The following GOLGA7 variants were observed in gnomAD, a reference collection of about 807,000 sequenced individuals.
GOLGA7 encodes golgin subfamily A member 7.
A neutral mutation model predicts 21.1 loss-of-function variants in GOLGA7; 10 were observed. That is an observed-to-expected ratio of 0.47 (90% CI 0.29 to 0.80). The LOEUF is 0.80. GOLGA7 is among the 30% of genes least tolerant of loss of function. The pLI is 0.08. For missense variants in GOLGA7, 114 were observed against 166.8 expected (o/e 0.68, Z 1.74); for synonymous variants, 64 against 62.6 (o/e 1.02, Z -0.10).
Position 41,509,574 on chromosome 8 carries a change from C to T in GOLGA7, c.*16-10C>T, listed in dbSNP as rs1806369939. 6.5e-6 allele frequency: 1 copy of T among 152,692 alleles called. No homozygotes were observed. The highest frequency in any genetic ancestry group is 6.5e-5 in the Admixed American group (1 of 15,284). 9.5% of individuals were successfully genotyped at this position (152,692 alleles called of 1,614,324 possible). ...CTCTATCAAACCTTTACTTCTCCCT[C>T]TAATTACAGATCCCACTTCCAGCCG... On this transcript the variant is annotated splice_polypyrimidine_tract_variant and intron_variant, in intron 4 of 4. Coordinates refer to ENST00000357743, the MANE Select transcript of GOLGA7 (RefSeq NM_001002296.2).
chr8:41,504,977 AAT>A (rs1806249836), intron 2 of GOLGA7, among the ~76,000 whole-genome samples: 1 of 152,230 alleles, frequency 6.6e-6, no homozygotes, highest in South Asian at 2.1e-4. Context: ...AATTTAAGGA[AAT>A]ATATAGTAAT....
chr8:41,498,249 C>T (rs1266805644), intron 2 of GOLGA7, among the ~76,000 whole-genome samples: 1 of 152,226 alleles, frequency 6.6e-6, no homozygotes, highest in Non-Finnish European at 1.5e-5. Context: ...CTTATTCTGT[C>T]TCTCCTAGAC....
At chr8:41,507,203 AATC>A (rs1806307320) in intron 4 of GOLGA7, 82 bp downstream of exon 4, 1 of 736,764 alleles carries the variant, frequency 1.4e-6, no homozygotes, top group Admixed American at 2.0e-5. Context: ...ATGGTAAATA[AATC>A]ATTAAATCAC....
At chr8:41,498,946 G>T (rs932708363) in intron 2 of GOLGA7, among the ~76,000 whole-genome samples, 1 of 152,212 alleles carries the variant, frequency 6.6e-6, no homozygotes, top group African/African-American at 2.4e-5. Flanking sequence ...TGACCCATCT[G>T]ATAGAAATGT....
chr8:41,510,448 G>GA lies in GOLGA7; in HGVS notation c.*887dup, dbSNP rs993105370. Reference sequence around the variant, plus strand: ...GTTTTGTTATAAATATAACTTATGAGAAAAAAATTTGATAGGAATAATACT... The same window carrying GA: ...GTTTTGTTATAAATATAACTTATGAGAAAAAAAATTTGATAGGAATAATACT... On this transcript the variant is annotated 3_prime_UTR_variant, in exon 5 of 5. Transcript: ENST00000357743. 3.3e-5 allele frequency: 5 copies of GA among 152,504 alleles called. No homozygotes were observed. The highest frequency in any genetic ancestry group is 1.2e-4 in the African/African-American group (5 of 41,408). 9.4% of individuals were successfully genotyped at this position (152,504 alleles called of 1,614,324 possible). A position where few individuals can be genotyped will look rare whatever the true frequency, so the allele number is the denominator to read the frequency against.
At chr8:41,508,062 G>A (rs1333071274) in intron 4 of GOLGA7, among the ~76,000 whole-genome samples, 5 of 152,116 alleles carry the variant, frequency 3.3e-5, no homozygotes, top group Admixed American at 6.5e-5. Context: ...GAGCAAACTT[G>A]GATACAAATA....
intron 1 of GOLGA7, among the ~76,000 whole-genome samples, chr8:41,496,783 T>G (rs954487088): frequency 1.3e-5 from 2 of 149,592 alleles, no homozygotes; most frequent in African/African-American, 4.9e-5. Flanking sequence ...GCCTATATGA[T>G]AGTACCCTGT....
chr8:41,502,498 A>T (rs1806173259), intron 2 of GOLGA7: 1 of 152,218 alleles, frequency 6.6e-6, no homozygotes, highest in African/African-American at 2.4e-5. Context: ...TAAAGACTTC[A>T]GTGTTATTTC....
chr8:41,502,626 A>G (rs1806176814), intron 2 of GOLGA7: 1 of 152,136 alleles, frequency 6.6e-6, no homozygotes, highest in Non-Finnish European at 1.5e-5. Flanking sequence ...ATGTGCTGTA[A>G]TCTCTAGAAG....
intron 1 of GOLGA7, 35 bp from the exon 2 acceptor site, chr8:41,497,474 C>T: frequency 5.7e-6 from 7 of 1,229,856 alleles, no homozygotes; most frequent in Admixed American, 2.5e-5. Context: ...TTTTTTTTTC[C>T]AAAACTTAAT....
chr8:41,495,305 G>A (rs141546455), intron 1 of GOLGA7, among the ~76,000 whole-genome samples: 2,102 of 149,216 alleles, frequency 0.014, 137 homozygotes, highest in Admixed American at 0.11. Flanking sequence ...CTTTTTTTGA[G>A]ACAGGGTCTC....
chr8:41,494,618 A>T (rs745677580), intron 1 of GOLGA7, among the ~76,000 whole-genome samples: 20 of 152,216 alleles, frequency 1.3e-4, no homozygotes, highest in Non-Finnish European at 2.5e-4. Flanking sequence ...AGTTTCCCAG[A>T]TGACCAGCCT....
chr8:41,497,739 G>T, intron 2 of GOLGA7, 78 bp downstream of exon 2: 1 of 727,466 alleles, frequency 1.4e-6, no homozygotes, highest in South Asian at 1.7e-5. Context: ...ATGCTTACAT[G>T]GTGATAGTTG....
rs926312453 is a variant in GOLGA7, at chr8:41,510,441, CTT to C, written c.*874_*875del. 12 of 152,432 alleles carry C rather than the reference CTT, an allele frequency of 7.9e-5. No individual in the cohort carries two copies. The highest frequency in any genetic ancestry group is 1.0e-4 in the Non-Finnish European group (7 of 68,002). 9.4% of individuals were successfully genotyped at this position (152,432 alleles called of 1,614,324 possible). ...AATTATAGTTTTGTTATAAATATAA[CTT>C]ATGAGAAAAAAATTTGATAGGAATA... is the stretch of plus-strand genomic sequence containing the variant. On this transcript the variant is annotated 3_prime_UTR_variant, in exon 5 of 5. Coordinates refer to ENST00000357743, the MANE Select transcript of GOLGA7 (RefSeq NM_001002296.2).
chr8:41,501,312 T>A (rs997199377), intron 2 of GOLGA7, among the ~76,000 whole-genome samples: 2 of 151,934 alleles, frequency 1.3e-5, no homozygotes, highest in Non-Finnish European at 2.9e-5. Context: ...AGGTCGATTT[T>A]TTTTTTTTTT....
chr8:41,491,624 G>A (rs13328425), intron 1 of GOLGA7, among the ~76,000 whole-genome samples: 49,123 of 151,114 alleles, frequency 0.33, 8,901 homozygotes, highest in African/African-American at 0.47. Flanking sequence ...CAACATTGCA[G>A]GCAAAAATGG....
chr8:41,495,485 A>AT (rs1360998871), intron 1 of GOLGA7, among the ~76,000 whole-genome samples: 1 of 151,280 alleles, frequency 6.6e-6, no homozygotes, highest in Non-Finnish European at 1.5e-5. Flanking sequence ...GAGTTTCACC[A>AT]TGTTGCCCAG....
intron 2 of GOLGA7, among the ~76,000 whole-genome samples, chr8:41,500,653 C>G (rs951001657): frequency 6.6e-6 from 1 of 152,240 alleles, no homozygotes; most frequent in African/African-American, 2.4e-5. Flanking sequence ...TGGTCTCGAA[C>G]TCCTGGGCTC....
At chr8:41,507,427 A>C (rs1192742388) in intron 4 of GOLGA7, among the ~76,000 whole-genome samples, 1 of 152,150 alleles carries the variant, frequency 6.6e-6, no homozygotes, top group African/African-American at 2.4e-5. Context: ...TTAATATTTC[A>C]AAACTATCCT....
Sources: gnomAD v4.1 joint callset for allele counts (sites outside exome capture counted in the v4.1 genomes callset) on GRCh38, gnomAD v4.1.1 for gene constraint, MANE v1.5 for transcripts, NCBI Gene and HGNC (gene_info 2026-07-23, HGNC 2026-07-21) for gene names.